The following STT3B variants were observed in gnomAD, a reference collection of about 807,000 sequenced individuals.
The protein encoded by STT3B is STT3 oligosaccharyltransferase complex catalytic subunit B.
A neutral mutation model predicts 96.8 loss-of-function variants in STT3B; 29 were observed. That is an observed-to-expected ratio of 0.30 (90% CI 0.22 to 0.41). The LOEUF is 0.41. Ranked by LOEUF, STT3B falls within the 10% of genes least tolerant of loss-of-function variation. The pLI, the probability that STT3B is intolerant of heterozygous loss-of-function variation, is 1.00. For missense variants in STT3B, 640 were observed against 1,022.3 expected (o/e 0.63, Z 5.10); for synonymous variants, 367 against 360.0 (o/e 1.02, Z -0.22).
At chr3:31,537,782 C>T (rs1347814629) in intron 1 of STT3B, among the ~76,000 whole-genome samples, 3 of 152,192 alleles carry the variant, frequency 2.0e-5, no homozygotes, top group Non-Finnish European at 4.4e-5. Context: ...TATGGGCTAA[C>T]TTAACTAGCC....
intron 5 of STT3B, among the ~76,000 whole-genome samples, chr3:31,609,407 C>T (rs927512876): frequency 2.6e-5 from 4 of 152,148 alleles, no homozygotes; most frequent in Non-Finnish European, 5.9e-5. Context: ...TCTCCAAACA[C>T]ACCACACATA....
At chr3:31,590,593 C>CT (rs1411333779) in intron 3 of STT3B, among the ~76,000 whole-genome samples, 5 of 151,750 alleles carry the variant, frequency 3.3e-5, no homozygotes, top group Admixed American at 6.6e-5. Flanking sequence ...TCTTAGCATA[C>CT]TTTTTTTTGT....
chr3:31,587,318 T>G (rs993284966), intron 3 of STT3B, among the ~76,000 whole-genome samples: 4 of 152,100 alleles, frequency 2.6e-5, no homozygotes, highest in South Asian at 2.1e-4. Flanking sequence ...CCCCCAGCCC[T>G]TAGCAACCGG....
Position 31,636,077 on chromosome 3 carries a change from G to A in STT3B, c.*13G>A. 6.3e-7 allele frequency: 1 copy of A among 1,581,458 alleles called. No homozygotes were observed. Among genetic ancestry groups the A allele is most frequent in the Non-Finnish European group, 8.6e-7 (1 of 1,164,300 alleles). On this transcript the variant is annotated 3_prime_UTR_variant, in exon 16 of 16. Coordinates refer to ENST00000295770, the MANE Select transcript of STT3B (RefSeq NM_178862.3). The stretch of plus-strand genomic sequence containing the variant: ...GAAGACTGTTTAAATGCACTGTTCT[G>A]GTTCCTAACTTGAAGCAGTTGTCCT...
At chr3:31,624,638 G>A (rs1378308793) in intron 11 of STT3B, among the ~76,000 whole-genome samples, 2 of 149,366 alleles carry the variant, frequency 1.3e-5, no homozygotes, top group African/African-American at 4.9e-5. Context: ...ACACTATTAG[G>A]CCCTACCCCA....
intron 3 of STT3B, 127 bp downstream of exon 3, chr3:31,580,223 A>G: frequency 2.3e-6 from 2 of 852,738 alleles, no homozygotes; most frequent in East Asian, 2.5e-5. Context: ...ATTACTGTTC[A>G]TAATCAATTT....
At chr3:31,571,071 A>G (rs552454406) in intron 1 of STT3B, among the ~76,000 whole-genome samples, 18 of 152,256 alleles carry the variant, frequency 1.2e-4, no homozygotes, top group Middle Eastern at 6.8e-3. Context: ...GTTTAGAGAA[A>G]CCTAATGTTT....
At chr3:31,573,957 G>A (rs1698211587) in intron 1 of STT3B, among the ~76,000 whole-genome samples, 1 of 152,050 alleles carries the variant, frequency 6.6e-6, no homozygotes, top group Non-Finnish European at 1.5e-5. Flanking sequence ...AAAGCCAAAG[G>A]AAGAATGATT....
chr3:31,615,732 A>G (rs1352737359), intron 6 of STT3B, among the ~76,000 whole-genome samples: 2 of 151,928 alleles, frequency 1.3e-5, no homozygotes, highest in Non-Finnish European at 3.0e-5. Context: ...CTTTACACGT[A>G]TGCATTACAA....
rs1699476394 is a variant in STT3B, at chr3:31,623,712, A to T, written c.1578A>T (p.Lys526Asn). ...GGAAACATGCAACTGAACAGGAAAAAACTGAAGAGGGATTAGGCCCTAATA... is the reference window on the plus strand; with the variant it reads ...GGAAACATGCAACTGAACAGGAAAATACTGAAGAGGGATTAGGCCCTAATA... ...KVRKHATEQE[K>N]TEEGLGPNIK... The change falls in exon 11 of 16, where the codon AAA becomes AAT. Residue 526 changes from lysine to asparagine, a missense_variant. Lys to Asn is a moderately conservative substitution (Grantham distance 94). This residue lies in a region of STT3B where 149 missense variants were observed against 250.2 expected (regional missense o/e 0.60). Coordinates refer to ENST00000295770, the MANE Select transcript of STT3B (RefSeq NM_178862.3). The T allele has an allele frequency of 6.2e-7, 1 of 1,613,604 alleles. No homozygotes were observed. The highest frequency in any genetic ancestry group is 8.5e-7 in the Non-Finnish European group (1 of 1,179,720).
chr3:31,568,513 C>A (rs1001506860), intron 1 of STT3B, among the ~76,000 whole-genome samples: 1 of 152,148 alleles, frequency 6.6e-6, no homozygotes, highest in African/African-American at 2.4e-5. Context: ...ACATCTTAAC[C>A]AGCATTTGTT....
chr3:31,624,310 C>T (rs1370680214), intron 11 of STT3B, among the ~76,000 whole-genome samples: 1 of 152,196 alleles, frequency 6.6e-6, no homozygotes, highest in Non-Finnish European at 1.5e-5. Flanking sequence ...CTCTCCTCCA[C>T]CTTGGTGCCA....
intron 1 of STT3B, among the ~76,000 whole-genome samples, chr3:31,553,018 C>T (rs939195131): frequency 4.7e-5 from 7 of 149,758 alleles, no homozygotes; most frequent in East Asian, 2.0e-4. Context: ...AGGAGAATGG[C>T]GTGAACCCGG....
At chr3:31,587,275 C>T (rs1005072388) in intron 3 of STT3B, among the ~76,000 whole-genome samples, 3 of 136,088 alleles carry the variant, frequency 2.2e-5, no homozygotes, top group African/African-American at 5.1e-5. Context: ...CAAAAAGCCT[C>T]GCCCATGATC....
intron 1 of STT3B, among the ~76,000 whole-genome samples, chr3:31,564,466 T>C (rs1697953779): frequency 6.6e-6 from 1 of 152,208 alleles, no homozygotes; most frequent in South Asian, 2.1e-4. Context: ...ACTTAACCTC[T>C]TTGTGCTTCC....
At chr3:31,601,187 T>C (rs1417853392) in intron 5 of STT3B, among the ~76,000 whole-genome samples, 1 of 152,212 alleles carries the variant, frequency 6.6e-6, no homozygotes, top group Non-Finnish European at 1.5e-5. Flanking sequence ...ACCAAGCAGT[T>C]CCACTCCTAG....
chr3:31,588,122 G>A (rs1698586554), intron 3 of STT3B, among the ~76,000 whole-genome samples: 1 of 152,064 alleles, frequency 6.6e-6, no homozygotes, highest in Non-Finnish European at 1.5e-5. Context: ...AAGCACAAGT[G>A]GAATTCAGTG....
rs1242858840 is a variant in STT3B, at chr3:31,579,979, A to C, written c.594A>C (p.Gly198=). The change falls in exon 3 of 16, where the codon GGA becomes GGC. Residue 198 remains glycine (G), a synonymous_variant. Transcript: ENST00000295770. ...LTRELWNQGA[G]LLAACFIAIV... ...GAGAACTTTGGAACCAAGGAGCAGG[A>C]CTTTTAGCTGCTTGTTTTATTGCTA... 1 of 1,613,728 alleles carries C rather than the reference A, an allele frequency of 6.2e-7. No homozygotes were observed. Among genetic ancestry groups the C allele is most frequent in the Non-Finnish European group, 8.5e-7 (1 of 1,179,834 alleles).
At chr3:31,560,514 T>G (rs1433829126) in intron 1 of STT3B, among the ~76,000 whole-genome samples, 1 of 152,176 alleles carries the variant, frequency 6.6e-6, no homozygotes, top group Non-Finnish European at 1.5e-5. Flanking sequence ...TTATGAAGGA[T>G]AATTTGCTGG....
Sources: gnomAD v4.1 joint callset for allele counts (sites outside exome capture counted in the v4.1 genomes callset) on GRCh38, gnomAD v4.1.1 for gene constraint, gnomAD v4.1.1 regional missense constraint, MANE v1.5 for transcripts, NCBI Gene and HGNC (gene_info 2026-07-23, HGNC 2026-07-21) for gene names.